ROBO2: variants seen among roughly 807,000 people sequenced by gnomAD.
ROBO2 encodes roundabout homolog 2.
Under a neutral mutation model 160.8 loss-of-function variants are expected in ROBO2, and 53 were observed. That is an observed-to-expected ratio of 0.33 (90% CI 0.26 to 0.41). The LOEUF (loss-of-function observed/expected upper bound fraction) is 0.41. ROBO2 is among the 10% of genes least tolerant of loss of function. The probability of loss-of-function intolerance (pLI) is 1.00; values close to 1 mark genes in which losing one functional copy is unlikely to be tolerated. For synonymous variants in ROBO2, 664 were observed against 611.7 expected (o/e 1.09, Z -1.26); for missense variants, 1,577 against 1,722.4 (o/e 0.92, Z 1.49).
At chr3:76,835,930 T>C (rs773106140) in intron 2 of ROBO2, among the ~76,000 whole-genome samples, 12 of 152,018 alleles carry the variant, frequency 7.9e-5, no homozygotes, top group Non-Finnish European at 7.4e-5. Flanking sequence ...ATTTGGATTC[T>C]TGAATTTGGT....
chr3:75,992,783 G>C (rs896113370), intron 2 of ROBO2, among the ~76,000 whole-genome samples: 2 of 152,178 alleles, frequency 1.3e-5, no homozygotes, highest in Admixed American at 1.3e-4. Context: ...AAAGCCACAG[G>C]GGCAGAGCTG....
At chr3:77,346,718 A>T (rs1392396867) in intron 2 of ROBO2, among the ~76,000 whole-genome samples, 1 of 152,118 alleles carries the variant, frequency 6.6e-6, no homozygotes, top group Non-Finnish European at 1.5e-5. Flanking sequence ...TCTTCTTGGT[A>T]GCTGTGGGCT....
At chr3:76,359,333 A>G (rs1312297352) in intron 2 of ROBO2, among the ~76,000 whole-genome samples, 2 of 152,070 alleles carry the variant, frequency 1.3e-5, no homozygotes, top group African/African-American at 2.4e-5. Flanking sequence ...GAAAGGTAAT[A>G]AAGAATGAGT....
intron 2 of ROBO2, among the ~76,000 whole-genome samples, chr3:76,390,124 A>G (rs948644520): frequency 6.6e-6 from 1 of 152,150 alleles, no homozygotes; most frequent in African/African-American, 2.4e-5. Flanking sequence ...ACCATACCTT[A>G]ATAACTTAAT....
intron 2 of ROBO2, among the ~76,000 whole-genome samples, chr3:77,098,859 A>AAAACAAAC (rs573823913): frequency 7.4e-6 from 1 of 135,306 alleles, no homozygotes; most frequent in South Asian, 2.1e-4. Context: ...CCGTCTCAAA[A>AAAACAAAC]AAACAAACAA....
At chr3:76,064,557 T>C (rs545917661) in intron 2 of ROBO2, among the ~76,000 whole-genome samples, 53 of 152,334 alleles carry the variant, frequency 3.5e-4, no homozygotes, top group African/African-American at 1.2e-3. Context: ...TTCTGAATAC[T>C]AATATATGAT....
intron 2 of ROBO2, among the ~76,000 whole-genome samples, chr3:76,309,776 C>T (rs993466550): frequency 1.3e-5 from 2 of 152,106 alleles, no homozygotes; most frequent in Admixed American, 6.6e-5. Context: ...ATGTTTTGAT[C>T]ACGCCAATTC....
intron 2 of ROBO2, among the ~76,000 whole-genome samples, chr3:76,580,665 A>AGG (rs1020190265): frequency 6.6e-6 from 1 of 152,110 alleles, no homozygotes; most frequent in African/African-American, 2.4e-5. Flanking sequence ...TGAAAAATAG[A>AGG]GGCCCTTTAT....
intron 2 of ROBO2, among the ~76,000 whole-genome samples, chr3:76,764,376 T>C (rs1335741252): frequency 1.3e-5 from 2 of 151,676 alleles, no homozygotes; most frequent in Non-Finnish European, 3.0e-5. Context: ...CTGTATGCAG[T>C]TCTGACTACT....
intron 2 of ROBO2, among the ~76,000 whole-genome samples, chr3:76,485,464 C>T (rs1030873741): frequency 2.0e-5 from 3 of 152,132 alleles, no homozygotes; most frequent in African/African-American, 7.2e-5. Flanking sequence ...TGCCACTCAC[C>T]TGCTGTGTGG....
intron 2 of ROBO2, among the ~76,000 whole-genome samples, chr3:76,196,030 C>T (rs1471346969): frequency 2.0e-5 from 3 of 152,046 alleles, no homozygotes; most frequent in African/African-American, 7.2e-5. Flanking sequence ...CATAGGATTG[C>T]AATGTGCACA....
At chr3:76,397,601 C>T (rs1389193309) in intron 2 of ROBO2, among the ~76,000 whole-genome samples, 1 of 151,772 alleles carries the variant, frequency 6.6e-6, no homozygotes, top group Non-Finnish European at 1.5e-5. Context: ...TATCCAGAAT[C>T]TACAATGAAC....
At chr3:77,040,491 C>G in exon 1 of ROBO2, 1 of 1,292,248 alleles carries the variant, frequency 7.7e-7, no homozygotes, top group Admixed American at 3.4e-5. Context: ...GAGGGTTAGA[C>G]ACACTCGAAT....
At chr3:76,574,594 A>AT (rs2108635918) in intron 2 of ROBO2, among the ~76,000 whole-genome samples, 1 of 152,254 alleles carries the variant, frequency 6.6e-6, no homozygotes, top group South Asian at 2.1e-4. Context: ...TCTTATGCAC[A>AT]TGAGTTTTTC....
At chr3:76,739,448 A>G (rs1024574759) in intron 2 of ROBO2, among the ~76,000 whole-genome samples, 2 of 134,812 alleles carry the variant, frequency 1.5e-5, no homozygotes, top group East Asian at 2.5e-4. Context: ...CATGGACACA[A>G]GAAGGGGAAC....
At chr3:76,083,185 C>T (rs1293254844) in intron 2 of ROBO2, among the ~76,000 whole-genome samples, 1 of 151,886 alleles carries the variant, frequency 6.6e-6, no homozygotes, top group Non-Finnish European at 1.5e-5. Context: ...GAATTGCAGG[C>T]CTGGGGCCCA....
intron 2 of ROBO2, among the ~76,000 whole-genome samples, chr3:77,397,643 T>C (rs1465353934): frequency 6.6e-6 from 1 of 152,152 alleles, no homozygotes; most frequent in East Asian, 1.9e-4. Flanking sequence ...GGCAAATGTG[T>C]GTGTGTATGC....
intron 1 of ROBO2, among the ~76,000 whole-genome samples, chr3:77,069,171 G>A (rs140092970): frequency 6.6e-5 from 10 of 152,200 alleles, no homozygotes; most frequent in South Asian, 2.1e-4. Context: ...AGGGCACTAC[G>A]TGTGCTTAAT....
intron 2 of ROBO2, among the ~76,000 whole-genome samples, chr3:76,298,664 C>T (rs143342105): frequency 0.013 from 1,912 of 152,252 alleles, 36 homozygotes; most frequent in African/African-American, 0.044. Context: ...AAAACAACCT[C>T]ATGGGATATA....
Sources: allele counts gnomAD v4.1 joint callset (sites outside exome capture counted in the v4.1 genomes callset), GRCh38; gene constraint gnomAD v4.1.1; transcripts MANE v1.5; gene names NCBI Gene and HGNC (gene_info 2026-07-23, HGNC 2026-07-21).